DCDC2: variants seen among roughly 807,000 people sequenced by gnomAD.
The protein encoded by DCDC2 is doublecortin domain-containing protein 2.
In DCDC2, 40 loss-of-function variants were observed where a neutral mutation model predicts 50.2. The observed-to-expected ratio is 0.80, with a 90% CI of 0.62 to 1.04. The LOEUF (loss-of-function observed/expected upper bound fraction) is 1.04, where lower values mean the gene tolerates loss of function less well. Among genes scored for constraint, DCDC2 ranks in the 50% least tolerant of loss-of-function variants. DCDC2 has a pLI of 0.00. For missense variants in DCDC2, 570 were observed against 581.9 expected (o/e 0.98, Z 0.21); for synonymous variants, 234 against 210.6 (o/e 1.11, Z -0.96).
the DCDC2 span, among the ~76,000 whole-genome samples, chr6:24,364,233 T>C: frequency 0.011 from 1,722 of 152,286 alleles, 15 homozygotes; most frequent in Non-Finnish European, 0.016. Context: ...TCTCTATAGG[T>C]TTTATCAATT....
At chr6:24,354,542 G>A (rs191863116) in intron 1 of DCDC2, among the ~76,000 whole-genome samples, 3 of 152,168 alleles carry the variant, frequency 2.0e-5, no homozygotes, top group Admixed American at 1.3e-4. Context: ...TCTGGAAATT[G>A]TCATACAATG....
intron 2 of DCDC2, among the ~76,000 whole-genome samples, chr6:24,335,139 C>T (rs1335773083): frequency 6.6e-6 from 1 of 152,174 alleles, no homozygotes; most frequent in Non-Finnish European, 1.5e-5. Flanking sequence ...ATTACCAGAC[C>T]TGACAGCCCC....
intron 8 of DCDC2, among the ~76,000 whole-genome samples, chr6:24,202,975 C>T (rs11964466): frequency 6.6e-6 from 1 of 152,002 alleles, no homozygotes; most frequent in East Asian, 1.9e-4. Context: ...ACTGCCCAAG[C>T]AAATAAGAGA....
intron 8 of DCDC2, among the ~76,000 whole-genome samples, chr6:24,189,556 A>C (rs954963288): frequency 2.0e-5 from 3 of 152,192 alleles, no homozygotes; most frequent in Admixed American, 2.0e-4. Flanking sequence ...CCACTTTAGC[A>C]GTAAATGTGA....
chr6:24,259,325 A>C (rs1485556754), intron 7 of DCDC2, among the ~76,000 whole-genome samples: 1 of 152,182 alleles, frequency 6.6e-6, no homozygotes, highest in African/African-American at 2.4e-5. Flanking sequence ...CCTTTTAGTG[A>C]GGGATACATA....
chr6:24,196,184 A>C (rs546070192), intron 8 of DCDC2, among the ~76,000 whole-genome samples: 9 of 149,702 alleles, frequency 6.0e-5, no homozygotes, highest in African/African-American at 2.2e-4. Flanking sequence ...TTCCTTTCTT[A>C]ATTAGGATTT....
chr6:24,355,540 C>G (rs1353582065), intron 1 of DCDC2, among the ~76,000 whole-genome samples: 2 of 152,272 alleles, frequency 1.3e-5, no homozygotes, highest in East Asian at 3.9e-4. Flanking sequence ...CTGTGTGGTA[C>G]AAATGATTAT....
intron 2 of DCDC2, among the ~76,000 whole-genome samples, chr6:24,325,212 C>T (rs1034943218): frequency 2.3e-5 from 3 of 132,048 alleles, no homozygotes; most frequent in Admixed American, 7.5e-5. Context: ...TCACACTTCT[C>T]CTCGGTTCTC....
intron 4 of DCDC2, among the ~76,000 whole-genome samples, chr6:24,296,058 T>C (rs533574383): frequency 2.0e-5 from 3 of 152,288 alleles, no homozygotes; most frequent in Admixed American, 6.5e-5. Flanking sequence ...AGCCATCCTG[T>C]TACCCAACTT....
chr6:24,341,708 T>G (rs1169913317), intron 2 of DCDC2, among the ~76,000 whole-genome samples: 2 of 152,140 alleles, frequency 1.3e-5, no homozygotes, highest in African/African-American at 4.8e-5. Context: ...AGTACCACAT[T>G]TGAGAGGACA....
At chr6:24,345,927 C>A (rs1760245610) in intron 2 of DCDC2, among the ~76,000 whole-genome samples, 1 of 152,124 alleles carries the variant, frequency 6.6e-6, no homozygotes, top group African/African-American at 2.4e-5. Context: ...CACCTGTAAT[C>A]CCAGCACTTT....
At chr6:24,189,320 G>C (rs1487128611) in intron 8 of DCDC2, among the ~76,000 whole-genome samples, 1 of 152,124 alleles carries the variant, frequency 6.6e-6, no homozygotes, top group Non-Finnish European at 1.5e-5. Flanking sequence ...GGTTAACTCA[G>C]GATTCCTGAG....
chr6:24,359,223 T>TTTATATATTTTATATATTATATATAA (rs1561789266), upstream of DCDC2, among the ~76,000 whole-genome samples: 47 of 63,216 alleles, frequency 7.4e-4, no homozygotes, highest in African/African-American at 3.3e-3. Flanking sequence ...ATTATATATT[T>TTTATATATTTTATATATTATATATAA]TATATATTTT....
chr6:24,358,354 C>T (rs1321487506), upstream of DCDC2: 1 of 168,854 alleles, frequency 5.9e-6, no homozygotes, highest in African/African-American at 2.4e-5. Context: ...CTTACGCCTG[C>T]AAATTCCAGT....
At chr6:24,217,486 GATT>G (rs1279581880) in intron 7 of DCDC2, among the ~76,000 whole-genome samples, 1 of 152,180 alleles carries the variant, frequency 6.6e-6, no homozygotes, top group African/African-American at 2.4e-5. Flanking sequence ...AAGTGCTAGT[GATT>G]CTGTAAACTG....
At chr6:24,239,823 T>C (rs1182976409) in intron 7 of DCDC2, among the ~76,000 whole-genome samples, 1 of 152,210 alleles carries the variant, frequency 6.6e-6, no homozygotes, top group African/African-American at 2.4e-5. Context: ...GTGTCCCTCA[T>C]TCGAGTTTTT....
chr6:24,345,610 C>T (rs945537040), intron 2 of DCDC2, among the ~76,000 whole-genome samples: 1 of 152,164 alleles, frequency 6.6e-6, no homozygotes, highest in African/African-American at 2.4e-5. Flanking sequence ...AAGAAGAAGG[C>T]TGCTACTCTC....
At chr6:24,240,902 C>G (rs1262812846) in intron 7 of DCDC2, among the ~76,000 whole-genome samples, 2 of 152,186 alleles carry the variant, frequency 1.3e-5, no homozygotes, top group Non-Finnish European at 2.9e-5. Flanking sequence ...TAATGGGCTC[C>G]TGGCTTGTGC....
chr6:24,304,155 T>A (rs1235541064), intron 2 of DCDC2, among the ~76,000 whole-genome samples: 6 of 152,228 alleles, frequency 3.9e-5, no homozygotes, highest in African/African-American at 1.4e-4. Context: ...CACTAACACC[T>A]AGCATCACAT....
Sources: gnomAD v4.1 joint callset for allele counts (sites outside exome capture counted in the v4.1 genomes callset) on GRCh38, gnomAD v4.1.1 for gene constraint, MANE v1.5 for transcripts, NCBI Gene and HGNC (gene_info 2026-07-23, HGNC 2026-07-21) for gene names.